The following ERG variants were observed in gnomAD, a reference collection of about 807,000 sequenced individuals.
ERG encodes ETS transcription factor ERG.
In ERG, 9 loss-of-function variants were observed where a neutral mutation model predicts 55.3. The ratio of observed to expected loss-of-function variants is 0.16; its 90% CI spans 0.10 to 0.28. The LOEUF is 0.28. Ranked by LOEUF, ERG falls within the 10% of genes least tolerant of loss-of-function variation. The probability of loss-of-function intolerance (pLI) is 1.00; values close to 1 mark genes in which losing one functional copy is unlikely to be tolerated. For missense variants in ERG, 434 were observed against 631.6 expected (o/e 0.69, Z 3.35); for synonymous variants, 223 against 237.3 (o/e 0.94, Z 0.55).
chr21:38,407,396 T>A (rs1202172741), intron 3 of ERG, among the ~76,000 whole-genome samples: 1 of 152,060 alleles, frequency 6.6e-6, no homozygotes, highest in African/African-American at 2.4e-5. Flanking sequence ...ATTATTATGA[T>A]ATCATTGTAT....
chr21:38,574,333 G>A (rs1187674410), intron 2 of ERG, among the ~76,000 whole-genome samples: 2 of 151,982 alleles, frequency 1.3e-5, no homozygotes, highest in Non-Finnish European at 2.9e-5. Context: ...CACTTTTTTT[G>A]ATAAACACAA....
At chr21:38,376,998 A>G (rs1000924447), downstream of ERG, among the ~76,000 whole-genome samples, 1 of 152,236 alleles carries the variant, frequency 6.6e-6, no homozygotes, top group African/African-American at 2.4e-5. Context: ...AGGGCACTCC[A>G]TTTGACATGC....
rs931196627 is a variant in ERG, at chr21:38,455,916, C to G, written c.19-10295G>C. ...TGTGTCACACCAGGTTCAACATGCACGTGCCAGGATGCAGGATGGGCACTT... is the reference window on the plus strand; with the variant it reads ...TGTGTCACACCAGGTTCAACATGCAGGTGCCAGGATGCAGGATGGGCACTT... On this transcript the variant is annotated intron_variant, in intron 1 of 9. Transcript: ENST00000288319. 2.0e-5 allele frequency among the ~76,000 whole-genome samples: 3 copies of G among 149,928 alleles called. No homozygotes were observed. The South Asian group carries it at 6.5e-4, about 32-fold the overall frequency.
At chr21:38,413,524 A>G (rs1989151278) in intron 3 of ERG, among the ~76,000 whole-genome samples, 1 of 152,178 alleles carries the variant, frequency 6.6e-6, no homozygotes, top group Non-Finnish European at 1.5e-5. Context: ...AAAAATGGCA[A>G]GAAAGAGTGC....
At chr21:38,376,316 C>A (rs976169099), downstream of ERG, among the ~76,000 whole-genome samples, 2 of 152,166 alleles carry the variant, frequency 1.3e-5, no homozygotes, top group East Asian at 1.9e-4. Flanking sequence ...GCCTGTTGTT[C>A]GTTTCTCGCT....
rs1052349118 is a variant in ERG at position 38,532,232 on chromosome 21, A to G, written c.-41+43430T>C. Among the ~76,000 whole-genome samples the G allele has an allele frequency of 7.9e-5, 12 of 152,172 alleles. 1 individual carries two copies. Among genetic ancestry groups the G allele is most frequent in the Admixed American group, 7.9e-4 (12 of 15,278 alleles). ...GGGCACATGGGGGTTTCAACAAGATAAACTGTTATGTGAGTCCAGGGTGCT... is the reference window on the plus strand; with the variant it reads ...GGGCACATGGGGGTTTCAACAAGATGAACTGTTATGTGAGTCCAGGGTGCT... On this transcript the variant is annotated intron_variant, in intron 2 of 8. Coordinates refer to the ERG transcript ENST00000398897.
chr21:38,487,935 T>C (rs1268519255), intron 1 of ERG, among the ~76,000 whole-genome samples: 2 of 152,186 alleles, frequency 1.3e-5, no homozygotes, highest in African/African-American at 4.8e-5. Flanking sequence ...AATATGTGGA[T>C]AAAATCACTA....
intron 1 of ERG, among the ~76,000 whole-genome samples, chr21:38,599,173 G>A (rs2060149285): frequency 6.6e-6 from 1 of 152,120 alleles, no homozygotes; most frequent in African/African-American, 2.4e-5. Context: ...GCCATGGGGG[G>A]GCACACTGAG....
rs1281169026 is a variant in ERG, at chr21:38,468,993, AAAAAAAAAG to A, written c.19-23381_19-23373del. Among the ~76,000 whole-genome samples the A allele has an allele frequency of 2.3e-3, 160 of 69,894 alleles. 1 individual carries two copies. Among genetic ancestry groups the A allele is most frequent in the African/African-American group, 4.8e-3 (141 of 29,520 alleles). 45.9% of individuals were successfully genotyped at this position (69,894 alleles called of 152,430 possible). ...GCCAGACTCTGTCTCAAAAAAAAAAAAAAAAAAAGAAAAAAAAAAAAGAAAATGTGGCTT... is the reference window on the plus strand; with the variant it reads ...GCCAGACTCTGTCTCAAAAAAAAAAAAAAAAAAAAAAAGAAAATGTGGCTT... On this transcript the variant is annotated intron_variant, in intron 1 of 9. Coordinates refer to ENST00000288319, the MANE Select transcript of ERG (RefSeq NM_182918.4).
At chr21:38,492,997 G>A (rs1414474240) in intron 1 of ERG, among the ~76,000 whole-genome samples, 2 of 152,182 alleles carry the variant, frequency 1.3e-5, no homozygotes, top group African/African-American at 4.8e-5. Context: ...TGTTATGGGT[G>A]TAGTGTGGAA....
At chr21:38,434,129 G>A (rs1424612591) in intron 2 of ERG, among the ~76,000 whole-genome samples, 1 of 152,158 alleles carries the variant, frequency 6.6e-6, no homozygotes, top group Non-Finnish European at 1.5e-5. Flanking sequence ...TGGCTCTGGA[G>A]CCCCTCAATT....
At chr21:38,596,058 G>GGA (rs1442396595) in intron 1 of ERG, among the ~76,000 whole-genome samples, 2 of 13,848 alleles carry the variant, frequency 1.4e-4, no homozygotes, top group African/African-American at 2.3e-4. Flanking sequence ...TGTGGGATTG[G>GGA]GGGGGGGGGG....
chr21:38,551,759 G>A (rs553340539), intron 2 of ERG, among the ~76,000 whole-genome samples: 5 of 152,214 alleles, frequency 3.3e-5, no homozygotes, highest in African/African-American at 1.2e-4. Context: ...TTATAGCCAA[G>A]TGCGTAGTCA....
At chr21:38,636,992 A>T (rs2146964795) in intron 1 of ERG, among the ~76,000 whole-genome samples, 1 of 152,338 alleles carries the variant, frequency 6.6e-6, no homozygotes, top group Admixed American at 6.5e-5. Context: ...GATGGAAATA[A>T]AGCCCCAAGG....
At chr21:38,404,762 T>C (rs1295484569) in intron 3 of ERG, among the ~76,000 whole-genome samples, 1 of 152,196 alleles carries the variant, frequency 6.6e-6, no homozygotes, top group Non-Finnish European at 1.5e-5. Flanking sequence ...GGGTCAGGCA[T>C]GCCAGGATGT....
chr21:38,427,846 G>A (rs1435874402), intron 2 of ERG, among the ~76,000 whole-genome samples: 2 of 152,080 alleles, frequency 1.3e-5, no homozygotes, highest in Non-Finnish European at 2.9e-5. Context: ...TAAGAAAGAG[G>A]AGTGATTCCT....
rs373431650 is a variant in ERG, at chr21:38,646,974, C to T, written c.-150+14684G>A. Among the ~76,000 whole-genome samples the T allele has an allele frequency of 1.4e-4, 22 of 152,252 alleles. No individual in the cohort carries two copies. In the East Asian group the frequency reaches 1.9e-3, roughly 13 times the overall value. On this transcript the variant is annotated intron_variant, in intron 1 of 10. Coordinates refer to the ERG transcript ENST00000398910. ...AAGGCAGCCTCTCCCATCAGCTCAC[C>T]GGTGGCTGCCAGCCTCCATGCCGCC...
intron 3 of ERG, among the ~76,000 whole-genome samples, chr21:38,406,758 C>T (rs537606709): frequency 1.3e-5 from 2 of 152,064 alleles, no homozygotes; most frequent in Admixed American, 1.3e-4. Flanking sequence ...CAAAATGACA[C>T]ATAAACATAT....
intron 1 of ERG, among the ~76,000 whole-genome samples, chr21:38,581,751 G>A (rs2060029888): frequency 6.6e-6 from 1 of 152,146 alleles, no homozygotes; most frequent in Admixed American, 6.5e-5. Context: ...CAATGCTAAA[G>A]GGACAGAGGC....
Sources: allele counts gnomAD v4.1 joint callset (sites outside exome capture counted in the v4.1 genomes callset), GRCh38; gene constraint gnomAD v4.1.1; transcripts MANE v1.5; gene names NCBI Gene and HGNC (gene_info 2026-07-23, HGNC 2026-07-21).